The following BLNK variants were observed in gnomAD, a reference collection of about 807,000 sequenced individuals.
BLNK encodes B-cell linker protein.
Under a neutral mutation model 73.5 loss-of-function variants are expected in BLNK, and 29 were observed. The ratio of observed to expected loss-of-function variants is 0.39; its 90% CI spans 0.29 to 0.54. The LOEUF (loss-of-function observed/expected upper bound fraction) is 0.54. Ranked by LOEUF, BLNK falls within the 20% of genes least tolerant of loss-of-function variation. The pLI is 0.61. For missense variants in BLNK, 460 were observed against 562.8 expected, an observed-to-expected ratio of 0.82 and a Z score of 1.85; for synonymous variants, 176 against 200.8, an observed-to-expected ratio of 0.88 and a Z score of 1.04.
At chr10:96,243,873 T>C (rs1392856635) in intron 2 of BLNK, among the ~76,000 whole-genome samples, 1 of 152,164 alleles carries the variant, frequency 6.6e-6, no homozygotes, top group Non-Finnish European at 1.5e-5. Flanking sequence ...AATTATTTGC[T>C]TAATGAAATT....
intron 1 of BLNK, among the ~76,000 whole-genome samples, chr10:96,255,490 ATT>A (rs201682708): frequency 2.7e-4 from 40 of 147,184 alleles, no homozygotes; most frequent in African/African-American, 9.9e-4. Flanking sequence ...AGGTTTCAGG[ATT>A]TTTTTTTTTT....
Position 96,247,016 on chromosome 10 carries a change from G to T in BLNK, c.81C>A (p.Asn27Lys). 6.2e-7 allele frequency: 1 copy of T among 1,607,518 alleles called. No homozygotes were observed. The highest frequency in any genetic ancestry group is 8.5e-7 in the Non-Finnish European group (1 of 1,176,212). Residue 27 changes from asparagine (N) to lysine (K), a missense_variant, in exon 2 of 17, where the codon AAC (asparagine) becomes AAA (lysine). This residue lies in a region of BLNK where 139 missense variants were observed against 187.3 expected (regional missense o/e 0.74). Coordinates refer to ENST00000224337, the MANE Select transcript of BLNK (RefSeq NM_013314.4). ...TTTTATTCATTATTCCACCTTCATT[G>T]TTTTTAATATCATGGACCATCTTTT... Reference protein sequence around the residue: ...QLQKMVHDIKNNEGGIMNKIK... With the variant: ...QLQKMVHDIKKNEGGIMNKIK...
At position 96,197,080 on chromosome 10, in the gene BLNK, A is replaced by T. The variant is rs199983704; in HGVS notation, c.1096-17T>A. 2.1e-5 allele frequency: 34 copies of T among 1,597,916 alleles called. No homozygotes were observed. Among genetic ancestry groups the T allele is most frequent in the Middle Eastern group, 1.7e-4 (1 of 5,794 alleles). ...TGATCCATCCTGTTTAATTTTTTTTAAAAAACATAATTATGGTTAGTATTA... is the reference window on the plus strand; with the variant it reads ...TGATCCATCCTGTTTAATTTTTTTTTAAAAACATAATTATGGTTAGTATTA... On this transcript the variant is annotated splice_polypyrimidine_tract_variant and intron_variant, in intron 15 of 16. Coordinates refer to ENST00000224337, the MANE Select transcript of BLNK (RefSeq NM_013314.4).
chr10:96,220,453 C>T (rs1157919653), intron 6 of BLNK, among the ~76,000 whole-genome samples: 1 of 152,212 alleles, frequency 6.6e-6, no homozygotes, highest in Non-Finnish European at 1.5e-5. Context: ...CCAACTTTCT[C>T]ATCTTTATAG....
At chr10:96,261,018 T>C (rs1374675943) in intron 1 of BLNK, among the ~76,000 whole-genome samples, 4 of 152,082 alleles carry the variant, frequency 2.6e-5, no homozygotes, top group East Asian at 1.9e-4. Context: ...TAATTTTTTG[T>C]ATTTTTTGTA....
chr10:96,254,561 A>G (rs1289184763), intron 1 of BLNK, among the ~76,000 whole-genome samples: 1 of 151,434 alleles, frequency 6.6e-6, no homozygotes, highest in Non-Finnish European at 1.5e-5. Context: ...CCCAGGCTGG[A>G]GTGCAATAGC....
At chr10:96,251,180 G>A (rs1843269052) in intron 1 of BLNK, among the ~76,000 whole-genome samples, 2 of 152,306 alleles carry the variant, frequency 1.3e-5, no homozygotes, top group African/African-American at 4.8e-5. Flanking sequence ...TCTATAGACT[G>A]CTTTGTTACA....
At chr10:96,204,840 A>G in intron 11 of BLNK, 1 of 505,490 alleles carries the variant, frequency 2.0e-6, no homozygotes. Flanking sequence ...ACATCCTACC[A>G]CCTCTGCATT....
intron 1 of BLNK, among the ~76,000 whole-genome samples, chr10:96,257,124 T>G (rs567662576): frequency 6.6e-6 from 1 of 152,216 alleles, no homozygotes; most frequent in African/African-American, 2.4e-5. Flanking sequence ...CTGAGATGTT[T>G]CGGGTCCAGT....
intron 9 of BLNK, among the ~76,000 whole-genome samples, chr10:96,208,723 T>C (rs1161031745): frequency 6.6e-6 from 1 of 152,154 alleles, no homozygotes; most frequent in African/African-American, 2.4e-5. Context: ...AGCTGAAGTG[T>C]GGGGGAAGAA....
intron 1 of BLNK, among the ~76,000 whole-genome samples, chr10:96,254,499 G>GTTTTTTTTTTTTTTTTTTTT (rs113008211): frequency 6.8e-6 from 1 of 146,360 alleles, no homozygotes; most frequent in African/African-American, 2.6e-5. Context: ...TCTTCAATGA[G>GTTTTTTTTTTTTTTTTTTTT]TTTTTTTTTT....
chr10:96,258,890 A>G (rs1208295280), intron 1 of BLNK, among the ~76,000 whole-genome samples: 3 of 152,234 alleles, frequency 2.0e-5, no homozygotes, highest in South Asian at 2.1e-4. Flanking sequence ...AAAATTTACC[A>G]TCTTAACCAT....
chr10:96,227,447 A>G lies in BLNK; in HGVS notation c.324T>C (p.Val108=). The change falls in exon 5 of 17, where the codon GTT becomes GTC. Residue 108 remains valine (V), a synonymous_variant. Coordinates refer to ENST00000224337, the MANE Select transcript of BLNK (RefSeq NM_013314.4). ...CTCTGGCGAAGGGCAGGGCTGGGTGAACCGGCCTGGTTTCCTGCTCTACTG... is the reference window on the plus strand; with the variant it reads ...CTCTGGCGAAGGGCAGGGCTGGGTGGACCGGCCTGGTTTCCTGCTCTACTG... ...PPPVEQETRP[V]HPALPFARGE... is the part of the protein sequence containing the mutation. The G allele has an allele frequency of 6.2e-7, 1 of 1,614,226 alleles. No homozygotes were observed. Among genetic ancestry groups the G allele is most frequent in the East Asian group, 2.2e-5 (1 of 44,892 alleles).
chr10:96,215,467 A>T, intron 7 of BLNK, 78 bp from the exon 8 acceptor site: 1 of 1,365,642 alleles, frequency 7.3e-7, no homozygotes, highest in Non-Finnish European at 1.0e-6. Flanking sequence ...ATTGAGGAAA[A>T]TTCACACTCA....
intron 16 of BLNK, among the ~76,000 whole-genome samples, chr10:96,195,738 GTAAA>G (rs1413508292): frequency 2.0e-5 from 3 of 152,190 alleles, no homozygotes; most frequent in Non-Finnish European, 4.4e-5. Flanking sequence ...TCACAACAAT[GTAAA>G]TATACTTATT....
At chr10:96,231,476 C>G (rs587650985) in intron 3 of BLNK, among the ~76,000 whole-genome samples, 2 of 152,292 alleles carry the variant, frequency 1.3e-5, no homozygotes, top group African/African-American at 2.4e-5. Context: ...ACTGTAGTCC[C>G]AGCACTTTGA....
In BLNK at chr10:96,216,558, C is replaced by A. The variant is rs587601365; in HGVS notation, c.607+95G>T. Reference sequence around the variant, plus strand: ...CAGGGGAGAAAGTCCTGGGCACTGTCATTTCTGAGCCTCTTAGTGCTTACT... The same window carrying A: ...CAGGGGAGAAAGTCCTGGGCACTGTAATTTCTGAGCCTCTTAGTGCTTACT... On this transcript the variant is annotated intron_variant, in intron 7 of 16. Transcript: ENST00000224337. 5.3e-5 allele frequency: 59 copies of A among 1,103,278 alleles called. No individual in the cohort carries two copies. In the South Asian group the frequency reaches 7.6e-4, roughly 14 times the overall value. The allele number at this position is 1,103,278 out of a possible 1,614,324, so 68.3% of individuals were successfully genotyped here. A position where few individuals can be genotyped will look rare whatever the true frequency, so the allele number is the denominator to read the frequency against.
At chr10:96,205,194 GA>G (rs2083764735) in intron 11 of BLNK, 2 of 157,658 alleles carry the variant, frequency 1.3e-5, no homozygotes, top group Non-Finnish European at 2.8e-5. Flanking sequence ...GAAAGGGTGG[GA>G]AATGAGCATA....
At chr10:96,241,377 A>G (rs992457947) in intron 3 of BLNK, among the ~76,000 whole-genome samples, 2 of 152,208 alleles carry the variant, frequency 1.3e-5, no homozygotes, top group Non-Finnish European at 2.9e-5. Flanking sequence ...CTTCCAACGT[A>G]TTTGTTCTAA....
Sources: allele counts gnomAD v4.1 joint callset (sites outside exome capture counted in the v4.1 genomes callset), GRCh38; gene constraint gnomAD v4.1.1; regional missense constraint gnomAD v4.1.1; transcripts MANE v1.5; gene names NCBI Gene and HGNC (gene_info 2026-07-23, HGNC 2026-07-21).